Variants in CADM2 observed in about 807,000 individuals in gnomAD.
The protein encoded by CADM2 is immunoglobulin superfamily member 4D.
In CADM2, 12 loss-of-function variants were observed where a neutral mutation model predicts 49.8. The ratio of observed to expected loss-of-function variants is 0.24; its 90% CI spans 0.15 to 0.39. CADM2 has a LOEUF of 0.39. CADM2 is among the 10% of genes least tolerant of loss of function. CADM2 has a pLI of 1.00. For missense variants in CADM2, 378 were observed against 492.3 expected (o/e 0.77, Z 2.20); for synonymous variants, 214 against 175.4 (o/e 1.22, Z -1.74).
chr3:85,841,351 T>A (rs972807826), intron 3 of CADM2, among the ~76,000 whole-genome samples: 1 of 151,870 alleles, frequency 6.6e-6, no homozygotes, highest in Non-Finnish European at 1.5e-5. Flanking sequence ...GCCTTATGAA[T>A]TTAGAGTACC....
rs866548638 is a variant in CADM2 at position 85,414,438 on chromosome 3, T to C, written c.62-312084T>C. Among the ~76,000 whole-genome samples, 22 of 152,334 alleles carry C rather than the reference T, an allele frequency of 1.4e-4. 1 individual carries two copies. In the Middle Eastern group the frequency reaches 0.02, roughly 141 times the overall value. ...TCATAGCAAGTATGTAGTTTTGACA[T>C]GCACAGTAAAATATTTATTATTAGT... On this transcript the variant is annotated intron_variant, in intron 1 of 9. Coordinates refer to ENST00000383699, the MANE Select transcript of CADM2 (RefSeq NM_001167675.2).
intron 2 of CADM2, chr3:85,800,680 A>T (rs939838797): frequency 2.0e-5 from 3 of 152,490 alleles, no homozygotes; most frequent in African/African-American, 7.2e-5. Context: ...GACCCCTTGC[A>T]CTTCCTGGGT....
At chr3:85,389,804 G>A (rs768021301) in intron 1 of CADM2, among the ~76,000 whole-genome samples, 6 of 152,082 alleles carry the variant, frequency 3.9e-5, no homozygotes, top group Non-Finnish European at 8.8e-5. Flanking sequence ...TTCAAGGCCA[G>A]GTATGCAGCA....
chr3:85,529,141 C>G (rs531952861), intron 1 of CADM2, among the ~76,000 whole-genome samples: 7 of 152,136 alleles, frequency 4.6e-5, no homozygotes, highest in Non-Finnish European at 1.0e-4. Context: ...TAATGAGTGT[C>G]AAGACCAGTC....
chr3:85,059,320 A>AT (rs951723592), intron 1 of CADM2, among the ~76,000 whole-genome samples: 2 of 121,854 alleles, frequency 1.6e-5, no homozygotes, highest in Non-Finnish European at 3.2e-5. Flanking sequence ...TAAAAAAATA[A>AT]AAAAAAAAAC....
intron 3 of CADM2, among the ~76,000 whole-genome samples, chr3:85,878,379 G>T (rs547109269): frequency 5.4e-4 from 82 of 152,132 alleles, no homozygotes; most frequent in African/African-American, 1.9e-3. Context: ...CATGTGTTCT[G>T]CTTTTCAGAG....
intron 1 of CADM2, among the ~76,000 whole-genome samples, chr3:85,716,616 T>G (rs1010883616): frequency 2.0e-5 from 3 of 152,168 alleles, no homozygotes; most frequent in South Asian, 2.1e-4. Flanking sequence ...TATTCTAGGG[T>G]TTTTATGGTT....
chr3:85,258,424 A>G (rs1397368832), intron 1 of CADM2, among the ~76,000 whole-genome samples: 1 of 151,952 alleles, frequency 6.6e-6, no homozygotes, highest in East Asian at 1.9e-4. Flanking sequence ...TGCCAAAAAG[A>G]GTCCAGTTCA....
chr3:85,071,905 T>G (rs2036759760), intron 1 of CADM2, among the ~76,000 whole-genome samples: 1 of 151,556 alleles, frequency 6.6e-6, no homozygotes. Flanking sequence ...TCATTCTGGT[T>G]GTTATTTTTA....
intron 1 of CADM2, among the ~76,000 whole-genome samples, chr3:85,512,973 TAGAGA>T (rs1194913159): frequency 6.6e-6 from 1 of 152,048 alleles, no homozygotes; most frequent in African/African-American, 2.4e-5. Flanking sequence ...ATTCACAACT[TAGAGA>T]AGAGGCCAAG....
intron 1 of CADM2, among the ~76,000 whole-genome samples, chr3:85,260,675 C>T (rs1349245131): frequency 6.6e-6 from 1 of 152,128 alleles, no homozygotes; most frequent in Non-Finnish European, 1.5e-5. Flanking sequence ...AAAATAATCG[C>T]AGATTATTTG....
At chr3:85,151,943 T>G (rs924123598) in intron 1 of CADM2, among the ~76,000 whole-genome samples, 3 of 152,250 alleles carry the variant, frequency 2.0e-5, no homozygotes, top group Non-Finnish European at 1.5e-5. Context: ...AAAGAGCTTT[T>G]AGATCATTGA....
At chr3:86,010,876 T>A (rs1052742128) in intron 8 of CADM2, among the ~76,000 whole-genome samples, 4 of 151,572 alleles carry the variant, frequency 2.6e-5, no homozygotes, top group Non-Finnish European at 4.4e-5. Context: ...ATTAAAAGAA[T>A]AGAAAGAAAA....
At chr3:85,626,179 G>T (rs1371340550) in intron 1 of CADM2, among the ~76,000 whole-genome samples, 2 of 151,896 alleles carry the variant, frequency 1.3e-5, no homozygotes, top group Non-Finnish European at 2.9e-5. Context: ...ATTTGAAATT[G>T]CAGTGTGCTT....
chr3:85,348,524 T>A (rs932598069), intron 1 of CADM2, among the ~76,000 whole-genome samples: 2 of 152,204 alleles, frequency 1.3e-5, no homozygotes, highest in African/African-American at 4.8e-5. Flanking sequence ...GTAGTACAGT[T>A]CCTTTCCAAA....
intron 1 of CADM2, among the ~76,000 whole-genome samples, chr3:85,083,378 A>C (rs1053217593): frequency 6.6e-6 from 1 of 152,190 alleles, no homozygotes; most frequent in Non-Finnish European, 1.5e-5. Context: ...AACATGAAGA[A>C]TGAATTTATT....
chr3:85,123,945 C>G (rs960757541), intron 1 of CADM2, among the ~76,000 whole-genome samples: 9 of 152,166 alleles, frequency 5.9e-5, no homozygotes, highest in African/African-American at 1.9e-4. Context: ...TTGAACTCAA[C>G]TCTGGAAACA....
chr3:85,276,018 A>G (rs1258415538), intron 1 of CADM2, among the ~76,000 whole-genome samples: 1 of 151,312 alleles, frequency 6.6e-6, no homozygotes, highest in African/African-American at 2.4e-5. Flanking sequence ...TCACTTTGTC[A>G]AAGCAGATCA....
intron 1 of CADM2, among the ~76,000 whole-genome samples, chr3:85,464,388 T>C (rs1277988119): frequency 6.6e-6 from 1 of 152,172 alleles, no homozygotes; most frequent in East Asian, 1.9e-4. Context: ...TCCATCTGTC[T>C]CTGGAAATTC....
Sources: gnomAD v4.1 joint callset for allele counts (sites outside exome capture counted in the v4.1 genomes callset) on GRCh38, gnomAD v4.1.1 for gene constraint, MANE v1.5 for transcripts, NCBI Gene and HGNC (gene_info 2026-07-23, HGNC 2026-07-21) for gene names.